The following RFC3 variants were observed in gnomAD, a reference collection of about 807,000 sequenced individuals.
RFC3 encodes the protein A1 38 kDa subunit.
In RFC3, 41 loss-of-function variants were observed where a neutral mutation model predicts 45.1. The ratio of observed to expected loss-of-function variants is 0.91; its 90% CI spans 0.71 to 1.18. The LOEUF (loss-of-function observed/expected upper bound fraction) is 1.18. Ranked by LOEUF, RFC3 falls within the 50% of genes most tolerant of loss-of-function variation. The pLI, the probability that RFC3 is intolerant of heterozygous loss-of-function variation, is 0.00. For synonymous variants in RFC3, 149 were observed against 144.0 expected, an observed-to-expected ratio of 1.03 and a Z score of -0.25; for missense variants, 423 against 428.1, an observed-to-expected ratio of 0.99 and a Z score of 0.10.
At position 33,925,156 on chromosome 13, in the gene RFC3, A is replaced by G. The variant is rs1047526949; in HGVS notation, c.880-40931A>G. ...TGCATATATAGTGTACTATATACATACACATATAGTGTACTATATACATAC... is the reference window on the plus strand; with the variant it reads ...TGCATATATAGTGTACTATATACATGCACATATAGTGTACTATATACATAC... On this transcript the variant is annotated intron_variant, in intron 8 of 8. Transcript: ENST00000434425. 1.2e-3 allele frequency among the ~76,000 whole-genome samples: 168 copies of G among 145,634 alleles called. 1 individual carries two copies. The highest frequency in any genetic ancestry group is 2.0e-3 in the African/African-American group (78 of 38,754).
chr13:33,892,383 C>T (rs1388578532), intron 8 of RFC3, among the ~76,000 whole-genome samples: 2 of 152,202 alleles, frequency 1.3e-5, no homozygotes, highest in Non-Finnish European at 2.9e-5. Context: ...GGCCTTAAGA[C>T]TTAAAGAAAG....
At chr13:33,867,094 G>A (rs2082378399) in intron 8 of RFC3, among the ~76,000 whole-genome samples, 1 of 152,150 alleles carries the variant, frequency 6.6e-6, no homozygotes, top group East Asian at 1.9e-4. Flanking sequence ...AAAGAAACAA[G>A]GCAATGCTAA....
At chr13:33,851,402 A>G in intron 8 of RFC3, among the ~76,000 whole-genome samples, 1 of 152,190 alleles carries the variant, frequency 6.6e-6, no homozygotes, top group Middle Eastern at 3.2e-3. Flanking sequence ...AACAACAGAA[A>G]TACTCAGATA....
At chr13:33,944,532 T>A (rs976347932) in intron 8 of RFC3, among the ~76,000 whole-genome samples, 1 of 152,110 alleles carries the variant, frequency 6.6e-6, no homozygotes, top group Non-Finnish European at 1.5e-5. Context: ...GGTTATGTGG[T>A]TCATTTGCGA....
At chr13:33,961,755 A>G (rs570923665) in intron 8 of RFC3, among the ~76,000 whole-genome samples, 1 of 152,326 alleles carries the variant, frequency 6.6e-6, no homozygotes, top group Admixed American at 6.5e-5. Flanking sequence ...CAGAAAGCCC[A>G]TGGCCAGATA....
At chr13:33,902,410 A>C (rs2082647286) in intron 8 of RFC3, among the ~76,000 whole-genome samples, 1 of 152,060 alleles carries the variant, frequency 6.6e-6, no homozygotes, top group Admixed American at 6.6e-5. Flanking sequence ...CATCTGAAGG[A>C]CCATGTGAAA....
chr13:33,966,368 CT>C, exon 9 of RFC3: 2 of 548,366 alleles, frequency 3.6e-6, no homozygotes, highest in Non-Finnish European at 6.5e-6. Context: ...CTCATCTCCT[CT>C]GTAATGATCA....
chr13:33,950,704 T>TG lies in RFC3; in HGVS notation c.880-15382dup, dbSNP rs1192983943. Among the ~76,000 whole-genome samples the TG allele has an allele frequency of 2.0e-5, 3 of 152,206 alleles. No homozygotes were observed. The East Asian group carries it at 5.8e-4, about 29-fold the overall frequency. On this transcript the variant is annotated intron_variant, in intron 8 of 8. Transcript: ENST00000434425. Reference sequence around the variant, plus strand: ...TCTTTTTCTGTCTTGGATTTAGCCTTGCCTGAAGCAAGATCTGGACTTTTT... The same window carrying TG: ...TCTTTTTCTGTCTTGGATTTAGCCTTGGCCTGAAGCAAGATCTGGACTTTTT...
At chr13:33,831,135 C>T (rs369436647) in intron 6 of RFC3, 121 bp from the exon 7 acceptor site, 43 of 662,666 alleles carry the variant, frequency 6.5e-5, no homozygotes, top group Non-Finnish European at 8.1e-5. Context: ...CTGGCCTATC[C>T]GCTGCTCACT....
intron 8 of RFC3, among the ~76,000 whole-genome samples, chr13:33,934,339 G>A (rs867154002): frequency 1.6e-4 from 24 of 151,844 alleles, no homozygotes; most frequent in Middle Eastern, 6.8e-3. Context: ...TCTCAAAAAT[G>A]AAAACAAAAA....
intron 8 of RFC3, among the ~76,000 whole-genome samples, chr13:33,949,119 G>C (rs2082972898): frequency 6.6e-6 from 1 of 152,122 alleles, no homozygotes; most frequent in South Asian, 2.1e-4. Context: ...CACGTGTCAA[G>C]TGTGGGAACA....
At chr13:33,935,662 G>T (rs996652378) in intron 8 of RFC3, among the ~76,000 whole-genome samples, 5 of 152,128 alleles carry the variant, frequency 3.3e-5, no homozygotes, top group Non-Finnish European at 7.4e-5. Flanking sequence ...TAAAAAAGAG[G>T]TAATATAAAA....
chr13:33,917,221 C>A (rs919741234), intron 8 of RFC3, among the ~76,000 whole-genome samples: 10 of 152,162 alleles, frequency 6.6e-5, no homozygotes, highest in African/African-American at 2.2e-4. Flanking sequence ...TCACAGAATA[C>A]AAGTGTAGCC....
In RFC3 at chr13:33,822,506, G is replaced by A. The variant is rs141923693; in HGVS notation, c.225+1237G>A. Among the ~76,000 whole-genome samples, 557 of 152,270 alleles carry A rather than the reference G, an allele frequency of 3.7e-3. 2 individuals are homozygous for A. The highest frequency in any genetic ancestry group is 0.013 in the African/African-American group (530 of 41,560). ...GTGTTAATGTGTAGTAAATCATATT[G>A]TATGTCTATTGTAAATAAAACAGTA... On this transcript the variant is annotated intron_variant, in intron 2 of 8. Coordinates refer to ENST00000380071, the MANE Select transcript of RFC3 (RefSeq NM_002915.4).
downstream of RFC3, among the ~76,000 whole-genome samples, chr13:33,838,343 G>C (rs1372105507): frequency 1.3e-5 from 2 of 152,040 alleles, no homozygotes; most frequent in Non-Finnish European, 2.9e-5. Flanking sequence ...CATGGTAGGA[G>C]TATTTCTTAT....
chr13:33,922,343 T>C (rs770909776), intron 8 of RFC3, among the ~76,000 whole-genome samples: 5 of 152,086 alleles, frequency 3.3e-5, no homozygotes, highest in Non-Finnish European at 5.9e-5. Context: ...AAAGAAAATA[T>C]TTGAATTTTT....
At chr13:33,883,613 A>G (rs2082500070) in intron 8 of RFC3, among the ~76,000 whole-genome samples, 1 of 152,198 alleles carries the variant, frequency 6.6e-6, no homozygotes, top group South Asian at 2.1e-4. Context: ...ACATTGTGCT[A>G]TAGTTATGTG....
At chr13:33,884,176 T>C (rs1010383562) in intron 8 of RFC3, among the ~76,000 whole-genome samples, 3 of 152,218 alleles carry the variant, frequency 2.0e-5, no homozygotes, top group African/African-American at 7.2e-5. Context: ...GCTCACTGTT[T>C]TCAAGGATAC....
intron 8 of RFC3, among the ~76,000 whole-genome samples, chr13:33,949,570 C>T (rs966058281): frequency 6.6e-6 from 1 of 152,134 alleles, no homozygotes; most frequent in Admixed American, 6.5e-5. Flanking sequence ...TGGCTGAGTG[C>T]TTTTCCTCAT....
Sources: allele counts gnomAD v4.1 joint callset (sites outside exome capture counted in the v4.1 genomes callset), GRCh38; gene constraint gnomAD v4.1.1; transcripts MANE v1.5; gene names NCBI Gene and HGNC (gene_info 2026-07-23, HGNC 2026-07-21).